MYH7B: variants seen among roughly 807,000 people sequenced by gnomAD.
MYH7B encodes the protein myosin-7B.
Under a neutral mutation model 234.5 loss-of-function variants are expected in MYH7B, and 205 were observed. That is an observed-to-expected ratio of 0.87 (90% confidence interval 0.78 to 0.98). The LOEUF is 0.98. Ranked by LOEUF, MYH7B falls within the 50% of genes least tolerant of loss-of-function variation. The pLI is 0.00. For synonymous variants in MYH7B, 1,193 were observed against 1,105.0 expected (o/e 1.08, Z -1.58); for missense variants, 2,652 against 2,633.4 (o/e 1.01, Z -0.15).
exon 37 of MYH7B, chr20:34,999,641 G>A: frequency 6.2e-7 from 1 of 1,613,728 alleles, no homozygotes. Context: ...AGAAAACCAA[G>A]AAGGCGCTGG....
chr20:34,984,754 G>T (rs2081989786), intron 11 of MYH7B, 39 bp downstream of exon 11: 2 of 1,605,750 alleles, frequency 1.2e-6, no homozygotes, highest in African/African-American at 1.3e-5. Context: ...AGCCCTGGGG[G>T]TACCCCCTTC....
chr20:35,001,850 G>A, intron 43 of MYH7B, 98 bp from the exon 44 acceptor site: 2 of 1,517,502 alleles, frequency 1.3e-6, no homozygotes, highest in Non-Finnish European at 1.8e-6. Flanking sequence ...ACAAAGTTGA[G>A]AACCAGGAGG....
At chr20:34,993,511 G>T in intron 26 of MYH7B, 41 bp downstream of exon 26, 1 of 1,506,070 alleles carries the variant, frequency 6.6e-7, no homozygotes, top group South Asian at 1.3e-5. Context: ...TGTGTCCCCT[G>T]CCTCTCAGCT....
chr20:34,960,668 G>T (rs1332411354), intron 2 of MYH7B, among the ~76,000 whole-genome samples: 3 of 152,184 alleles, frequency 2.0e-5, no homozygotes. Flanking sequence ...TTGTTTATGA[G>T]GCCATCTCCC....
chr20:34,978,813 T>C (rs1285400292), intron 5 of MYH7B, among the ~76,000 whole-genome samples: 2 of 152,226 alleles, frequency 1.3e-5, no homozygotes, highest in East Asian at 3.8e-4. Context: ...TAGATGGTTC[T>C]AGATGGTCCT....
At chr20:34,993,998 C>A in intron 26 of MYH7B, 148 bp from the exon 27 acceptor site, 3 of 1,061,988 alleles carry the variant, frequency 2.8e-6, no homozygotes, top group Non-Finnish European at 4.1e-6. Context: ...GGACTGTGGG[C>A]CTCCCCTCAC....
intron 2 of MYH7B, among the ~76,000 whole-genome samples, chr20:34,969,827 G>A (rs1338403657): frequency 1.3e-5 from 2 of 151,762 alleles, no homozygotes; most frequent in Non-Finnish European, 2.9e-5. Flanking sequence ...TTACAGGTGT[G>A]AGCCACCGTA....
At chr20:34,994,158 C>A in exon 27 of MYH7B, 2 of 1,613,192 alleles carry the variant, frequency 1.2e-6, no homozygotes, top group South Asian at 2.2e-5. Context: ...ATGCGCTGTT[C>A]ACCATCCAGT....
At chr20:34,964,426 A>G (rs755328742) in intron 2 of MYH7B, among the ~76,000 whole-genome samples, 11 of 152,220 alleles carry the variant, frequency 7.2e-5, no homozygotes, top group Non-Finnish European at 1.6e-4. Context: ...GGCCTAGACT[A>G]TGTGGCTCTC....
chr20:34,986,745 A>C (rs2082031319), intron 14 of MYH7B, 141 bp from the exon 15 acceptor site: 1 of 660,988 alleles, frequency 1.5e-6, no homozygotes, highest in Admixed American at 2.5e-5. Context: ...CTTAGGCCCC[A>C]GACTGGGAGA....
At chr20:34,962,640 T>G (rs2081708186) in intron 2 of MYH7B, among the ~76,000 whole-genome samples, 1 of 152,224 alleles carries the variant, frequency 6.6e-6, no homozygotes, top group African/African-American at 2.4e-5. Flanking sequence ...AATTTATTTT[T>G]ATTTATTTTG....
At chr20:34,963,891 A>C (rs1425445445) in intron 2 of MYH7B, among the ~76,000 whole-genome samples, 1 of 151,892 alleles carries the variant, frequency 6.6e-6, no homozygotes, top group Admixed American at 6.6e-5. Flanking sequence ...TTTCTCTTTC[A>C]GTGTTATATC....
chr20:34,997,662 C>G, intron 32 of MYH7B, 22 bp downstream of exon 32: 1 of 1,611,722 alleles, frequency 6.2e-7, no homozygotes, highest in Non-Finnish European at 8.5e-7. Context: ...TTCCTCACCC[C>G]ATACCCACCC....
At position 34,958,705 on chromosome 20, in the gene MYH7B, C is replaced by T. The variant is rs2081664133; in HGVS notation, c.-222+493C>T. ...GGTCTCAAACTCCTGACCTTGTGAT[C>T]CGTCCGCCTCTGCCTCTCAAAGTGC... On this transcript the variant is annotated intron_variant, in intron 2 of 44. Transcript: ENST00000262873. Among the ~76,000 whole-genome samples the T allele has an allele frequency of 2.0e-5, 3 of 152,140 alleles. No homozygotes were observed. In the South Asian group the frequency reaches 6.2e-4, roughly 32 times the overall value.
intron 2 of MYH7B, among the ~76,000 whole-genome samples, chr20:34,965,511 G>A (rs1031388402): frequency 3.3e-5 from 5 of 152,316 alleles, no homozygotes; most frequent in East Asian, 3.9e-4. Context: ...GCCTCTTCTG[G>A]GCATGCTGGC....
chr20:34,979,533 C>T (rs2081908242), intron 6 of MYH7B, 37 bp downstream of exon 6: 2 of 1,597,124 alleles, frequency 1.3e-6, no homozygotes, highest in African/African-American at 1.3e-5. Flanking sequence ...GCCTCTCTGT[C>T]CCTAGGCCTC....
chr20:34,995,508 A>G (rs2082239853), exon 28 of MYH7B: 1 of 1,614,190 alleles, frequency 6.2e-7, no homozygotes, highest in Non-Finnish European at 8.5e-7. Flanking sequence ...ACGGAGCTCA[A>G]GAAGGACATT....
At chr20:34,991,257 T>C (rs2082144358) in intron 24 of MYH7B, 136 bp downstream of exon 24, 5 of 645,834 alleles carry the variant, frequency 7.7e-6, no homozygotes. Flanking sequence ...TGGCCAGGTA[T>C]CCCAGCAAGA....
chr20:34,995,976 G>T (rs2082248445), intron 28 of MYH7B, among the ~76,000 whole-genome samples: 2 of 152,196 alleles, frequency 1.3e-5, no homozygotes, highest in Admixed American at 6.5e-5. Flanking sequence ...CTGGAGGAGG[G>T]ACTCCATTAC....
Sources: gnomAD v4.1 joint callset for allele counts (sites outside exome capture counted in the v4.1 genomes callset) on GRCh38, gnomAD v4.1.1 for gene constraint, MANE v1.5 for transcripts, NCBI Gene and HGNC (gene_info 2026-07-23, HGNC 2026-07-21) for gene names.